ANKRD12: variants seen among roughly 807,000 people sequenced by gnomAD.
The protein encoded by ANKRD12 is ankyrin repeat domain-containing protein 12.
ANKRD12 carries 85 observed loss-of-function variants against 183.4 expected under a neutral mutation model. The observed-to-expected ratio is 0.46, with a 90% confidence interval of 0.39 to 0.56. The LOEUF (loss-of-function observed/expected upper bound fraction) is 0.56, where lower values mean the gene tolerates loss of function less well. Among genes scored for constraint, ANKRD12 ranks in the 20% least tolerant of loss-of-function variants. The pLI, the probability that ANKRD12 is intolerant of heterozygous loss-of-function variation, is 0.00. For synonymous variants in ANKRD12, 914 were observed against 800.2 expected (o/e 1.14, Z -2.40); for missense variants, 2,405 against 2,357.1 (o/e 1.02, Z -0.42).
chr18:9,257,399 A>G lies in ANKRD12; in HGVS notation c.4132A>G (p.Asn1378Asp). ...TGCAACTTCTCCAACTGGAGCTTCA[A>G]ACAGCAAGTATGTTTCAGCTGATAG... ...SFATSPTGAS[N>D]SKYVSADRNL... Residue 1378 changes from asparagine to aspartate, a missense_variant, in exon 9 of 13, where the codon AAC becomes GAC. Transcript: ENST00000262126. 1 of 1,614,122 alleles carries G rather than the reference A, an allele frequency of 6.2e-7. No homozygotes were observed. The highest frequency in any genetic ancestry group is 1.1e-5 in the South Asian group (1 of 91,078).
intron 8 of ANKRD12, among the ~76,000 whole-genome samples, chr18:9,226,865 A>T (rs187691534): frequency 2.6e-5 from 4 of 152,342 alleles, no homozygotes; most frequent in Admixed American, 1.3e-4. Context: ...AAAGATTAAG[A>T]AATGGGAATT....
At chr18:9,251,336 G>A (rs1598698664) in intron 8 of ANKRD12, among the ~76,000 whole-genome samples, 1 of 152,360 alleles carries the variant, frequency 6.6e-6, no homozygotes, top group South Asian at 2.1e-4. Flanking sequence ...CAGGGGAACA[G>A]TTAAGCCTAA....
chr18:9,193,507 G>A (rs1265788320), intron 2 of ANKRD12, among the ~76,000 whole-genome samples: 1 of 151,916 alleles, frequency 6.6e-6, no homozygotes, highest in African/African-American at 2.4e-5. Flanking sequence ...CTCAATCTCA[G>A]TGGTTTTTTT....
At chr18:9,209,711 A>G (rs1433955170) in intron 5 of ANKRD12, among the ~76,000 whole-genome samples, 1 of 152,234 alleles carries the variant, frequency 6.6e-6, no homozygotes, top group East Asian at 1.9e-4. Context: ...GTCTGTGACC[A>G]AATTAAAGTC....
At chr18:9,151,268 T>C (rs1216585772) in intron 1 of ANKRD12, among the ~76,000 whole-genome samples, 1 of 152,196 alleles carries the variant, frequency 6.6e-6, no homozygotes, top group Non-Finnish European at 1.5e-5. Context: ...GCTTGTTCGG[T>C]TTAAGTAGGA....
Position 9,225,347 on chromosome 18 carries a change from G to A in ANKRD12, c.943+3348G>A, listed in dbSNP as rs142504788. On this transcript the variant is annotated intron_variant, in intron 8 of 12. Transcript: ENST00000262126. ...AAATTAGCCAGGCATGGTGGCGTGC[G>A]TCTGTAGTACCAGCTACTTGGGAGG... Among the ~76,000 whole-genome samples, 84 of 79,786 alleles carry A rather than the reference G, an allele frequency of 1.1e-3. 28 individuals carry two copies. The highest frequency in any genetic ancestry group is 2.4e-3 in the African/African-American group (67 of 28,250). The allele number at this position is 79,786 out of a possible 152,430, so 52.3% of individuals were successfully genotyped here. A position where few individuals can be genotyped will look rare whatever the true frequency, so the allele number is the denominator to read the frequency against.
Position 9,230,783 on chromosome 18 carries a change from C to T in ANKRD12, c.943+8784C>T, listed in dbSNP as rs150332521. Among the ~76,000 whole-genome samples, 31 of 151,948 alleles carry T rather than the reference C, an allele frequency of 2.0e-4. No individual in the cohort carries two copies. The East Asian group carries it at 5.4e-3, about 27-fold the overall frequency. On this transcript the variant is annotated intron_variant, in intron 8 of 12. Transcript: ENST00000262126. ...AAGAGATTCTCCTGCCTCAGCCTCC[C>T]GAGCAGCTGGGACTACAGATGCGTG...
chr18:9,156,254 T>C (rs1161334249), intron 1 of ANKRD12, among the ~76,000 whole-genome samples: 3 of 152,160 alleles, frequency 2.0e-5, no homozygotes, highest in African/African-American at 7.2e-5. Context: ...TATATTTTTT[T>C]TGTCCCAGAT....
chr18:9,191,000 ATATT>A (rs1465769176), intron 2 of ANKRD12, among the ~76,000 whole-genome samples: 1 of 152,286 alleles, frequency 6.6e-6, no homozygotes, highest in East Asian at 1.9e-4. Context: ...GTGTGTATAT[ATATT>A]CTTGTTTTCT....
rs1457949517 is a variant in ANKRD12, at chr18:9,285,357, G to T, written c.*4231G>T. On this transcript the variant is annotated 3_prime_UTR_variant, in exon 13 of 13. Coordinates refer to ENST00000262126, the MANE Select transcript of ANKRD12 (RefSeq NM_015208.5). ...GAGACAGGAGAATCGCTTGAAGCCTGGAGGCGGAGGTTGCAGTGAGCTCAC... is the reference window on the plus strand; with the variant it reads ...GAGACAGGAGAATCGCTTGAAGCCTTGAGGCGGAGGTTGCAGTGAGCTCAC... The T allele has an allele frequency of 6.6e-6, 1 of 150,790 alleles. No homozygotes were observed. The highest frequency in any genetic ancestry group is 1.5e-5 in the Non-Finnish European group (1 of 67,684). 9.3% of individuals were successfully genotyped at this position (150,790 alleles called of 1,614,324 possible). A position where few individuals can be genotyped will look rare whatever the true frequency, so the allele number is the denominator to read the frequency against.
chr18:9,153,613 T>C (rs2029932937), intron 1 of ANKRD12, among the ~76,000 whole-genome samples: 1 of 152,300 alleles, frequency 6.6e-6, no homozygotes, highest in South Asian at 2.1e-4. Context: ...TGGGGGAAAT[T>C]ACTGGTCATT....
rs1356482199 is a variant in ANKRD12, at chr18:9,241,172, T to TA, written c.944-13036dup. Among the ~76,000 whole-genome samples, 4 of 152,122 alleles carry TA rather than the reference T, an allele frequency of 2.6e-5. No individual in the cohort carries two copies. The East Asian group carries it at 7.7e-4, about 29-fold the overall frequency. Reference sequence around the variant, plus strand: ...AGTAAATTTTTTTAACCTAGAAGCATAAAGACTACAAGAAGAGGTTACATC... The same window carrying TA: ...AGTAAATTTTTTTAACCTAGAAGCATAAAAGACTACAAGAAGAGGTTACATC... On this transcript the variant is annotated intron_variant, in intron 8 of 12. Transcript: ENST00000262126.
intron 7 of ANKRD12, 62 bp downstream of exon 7, chr18:9,216,962 A>C: frequency 6.8e-7 from 1 of 1,460,292 alleles, no homozygotes; most frequent in Non-Finnish European, 9.4e-7. Flanking sequence ...AACCCAAAGT[A>C]ATTTCATTCA....
At chr18:9,253,893 A>G (rs1277553760) in intron 8 of ANKRD12, among the ~76,000 whole-genome samples, 1 of 152,218 alleles carries the variant, frequency 6.6e-6, no homozygotes, top group Non-Finnish European at 1.5e-5. Flanking sequence ...AAATCAGTAT[A>G]TCAAAGAGAT....
At chr18:9,161,101 T>C (rs997271822) in intron 1 of ANKRD12, among the ~76,000 whole-genome samples, 2 of 151,990 alleles carry the variant, frequency 1.3e-5, no homozygotes, top group Non-Finnish European at 2.9e-5. Context: ...GGCCTGTGTG[T>C]GTGTGTGTTG....
At chr18:9,273,968 A>G (rs1318881937) in intron 10 of ANKRD12, among the ~76,000 whole-genome samples, 5 of 152,248 alleles carry the variant, frequency 3.3e-5, no homozygotes, top group African/African-American at 9.6e-5. Flanking sequence ...ATTTTATGCT[A>G]GGTTGAAGAA....
intron 8 of ANKRD12, among the ~76,000 whole-genome samples, chr18:9,224,822 A>G (rs553757441): frequency 6.6e-6 from 1 of 152,352 alleles, no homozygotes; most frequent in South Asian, 2.1e-4. Context: ...AAGTTTATGT[A>G]TCTTGTGTAG....
chr18:9,252,751 G>A (rs116437478), intron 8 of ANKRD12, among the ~76,000 whole-genome samples: 1,965 of 152,236 alleles, frequency 0.013, 49 homozygotes, highest in African/African-American at 0.046. Context: ...GATCACTTGA[G>A]CTCAGGTGTT....
chr18:9,208,903 C>G (rs1320496517), intron 5 of ANKRD12, 100 bp downstream of exon 5: 1 of 1,175,964 alleles, frequency 8.5e-7, no homozygotes, highest in Non-Finnish European at 1.2e-6. Flanking sequence ...AATTTTTATT[C>G]TTTCTTGGAT....
Sources: allele counts gnomAD v4.1 joint callset (sites outside exome capture counted in the v4.1 genomes callset), GRCh38; gene constraint gnomAD v4.1.1; transcripts MANE v1.5; gene names NCBI Gene and HGNC (gene_info 2026-07-23, HGNC 2026-07-21).